EFTUD2: variants seen among roughly 807,000 people sequenced by gnomAD.
The protein encoded by EFTUD2 is 116 kDa U5 small nuclear ribonucleoprotein component.
EFTUD2 carries 9 observed loss-of-function variants against 114.3 expected under a neutral mutation model. That is an observed-to-expected ratio of 0.08 (90% CI 0.05 to 0.14). The LOEUF (loss-of-function observed/expected upper bound fraction) is 0.14. EFTUD2 is among the 10% of genes least tolerant of loss of function. The pLI, the probability that EFTUD2 is intolerant of heterozygous loss-of-function variation, is 1.00. For synonymous variants in EFTUD2, 449 were observed against 462.3 expected, an observed-to-expected ratio of 0.97 and a Z score of 0.37; for missense variants, 765 against 1,241.2, an observed-to-expected ratio of 0.62 and a Z score of 5.76.
chr17:44,894,330 A>G, intron 2 of EFTUD2, 87 bp downstream of exon 2: 1 of 1,131,778 alleles, frequency 8.8e-7, no homozygotes, highest in Non-Finnish European at 1.3e-6. Context: ...AGATTGCGCC[A>G]CTGCACTCCA....
chr17:44,888,627 A>G (rs976023459), intron 2 of EFTUD2, among the ~76,000 whole-genome samples: 2 of 152,244 alleles, frequency 1.3e-5, no homozygotes, highest in Non-Finnish European at 2.9e-5. Context: ...AATTCTGGAT[A>G]CATTACAAAG....
chr17:44,896,323 C>T (rs1028395640), intron 1 of EFTUD2, among the ~76,000 whole-genome samples: 4 of 152,184 alleles, frequency 2.6e-5, no homozygotes, highest in Admixed American at 2.6e-4. Context: ...GAGCTTTTTG[C>T]ACCTTTATCA....
chr17:44,897,369 AAAT>A (rs1300463619), intron 1 of EFTUD2, among the ~76,000 whole-genome samples: 3 of 152,150 alleles, frequency 2.0e-5, no homozygotes, highest in African/African-American at 7.2e-5. Flanking sequence ...TTTAATTTTA[AAAT>A]AATACCAAAA....
intron 15 of EFTUD2, 85 bp from the exon 16 acceptor site, chr17:44,862,991 ACATG>A: frequency 7.6e-6 from 9 of 1,185,698 alleles, no homozygotes; most frequent in Non-Finnish European, 1.1e-5. Flanking sequence ...GACAGCAAGG[ACATG>A]AGCTCTATGA....
chr17:44,859,654 C>G (rs1024985931), intron 18 of EFTUD2: 8 of 595,480 alleles, frequency 1.3e-5, no homozygotes, highest in Non-Finnish European at 2.4e-5. Context: ...CACACACACA[C>G]ACACACAACC....
chr17:44,872,670 C>T, intron 10 of EFTUD2, 100 bp from the exon 11 acceptor site: 1 of 1,425,650 alleles, frequency 7.0e-7, no homozygotes, highest in South Asian at 1.4e-5. Flanking sequence ...CACTCTCCAG[C>T]CCTCGGAAGG....
intron 9 of EFTUD2, among the ~76,000 whole-genome samples, chr17:44,876,614 A>C (rs963016739): frequency 5.3e-5 from 8 of 151,974 alleles, no homozygotes; most frequent in African/African-American, 1.9e-4. Flanking sequence ...GCACTTTGGG[A>C]GGCTGAGGTG....
intron 18 of EFTUD2, chr17:44,859,697 A>C: frequency 3.0e-6 from 2 of 673,520 alleles, no homozygotes; most frequent in Non-Finnish European, 2.5e-6. Context: ...GCCCCCTCCT[A>C]CACAGGTCTT....
intron 18 of EFTUD2, 139 bp downstream of exon 18, chr17:44,859,766 C>T: frequency 7.3e-7 from 1 of 1,377,724 alleles, no homozygotes; most frequent in Non-Finnish European, 1.0e-6. Context: ...ACATGACAGC[C>T]ATAGGCTGGG....
At chr17:44,886,880 G>T (rs1009223075) in intron 2 of EFTUD2, 130 bp from the exon 3 acceptor site, 5 of 1,441,560 alleles carry the variant, frequency 3.5e-6, no homozygotes, top group Non-Finnish European at 4.6e-6. Context: ...CTATGCCAGT[G>T]GGGGAGGTTC....
intron 1 of EFTUD2, among the ~76,000 whole-genome samples, chr17:44,895,600 G>A (rs2051369892): frequency 6.6e-6 from 1 of 151,778 alleles, no homozygotes. Context: ...GAATAGTTGA[G>A]ACTGAAACCA....
At chr17:44,856,765 AAAAAAAAC>A (rs1308971200) in intron 20 of EFTUD2, among the ~76,000 whole-genome samples, 5 of 150,916 alleles carry the variant, frequency 3.3e-5, no homozygotes, top group Admixed American at 1.3e-4. Flanking sequence ...TGTCAAAAAA[AAAAAAAAC>A]AAAAAAACAA....
At chr17:44,859,308 A>T (rs1436330822) in intron 18 of EFTUD2, 127 bp from the exon 19 acceptor site, 2 of 703,520 alleles carry the variant, frequency 2.8e-6, no homozygotes, top group Admixed American at 4.1e-5. Context: ...CATCTGTTCC[A>T]GCCTCTTCAA....
At chr17:44,887,159 T>C (rs751399312) in intron 2 of EFTUD2, among the ~76,000 whole-genome samples, 3 of 152,220 alleles carry the variant, frequency 2.0e-5, no homozygotes, top group Admixed American at 6.5e-5. Flanking sequence ...AAAATAACTT[T>C]GTGATAGATA....
At chr17:44,875,098 G>A (rs1019769508) in intron 10 of EFTUD2, among the ~76,000 whole-genome samples, 1 of 152,108 alleles carries the variant, frequency 6.6e-6, no homozygotes, top group African/African-American at 2.4e-5. Flanking sequence ...GGGTGCAGCG[G>A]CTCAAATCTG....
chr17:44,852,887 T>C (rs1365799123), intron 25 of EFTUD2, among the ~76,000 whole-genome samples: 3 of 18,008 alleles, frequency 1.7e-4, no homozygotes. Context: ...GAAATGTCAA[T>C]TTTTTTTTTT....
chr17:44,867,938 G>T (rs1260534638), intron 12 of EFTUD2, 41 bp from the exon 13 acceptor site: 1 of 1,516,134 alleles, frequency 6.6e-7, no homozygotes, highest in Non-Finnish European at 8.9e-7. Context: ...AGGGGAAAAG[G>T]CACTATCACT....
chr17:44,872,787 AC>A, intron 10 of EFTUD2: 1 of 365,106 alleles, frequency 2.7e-6, no homozygotes, highest in Non-Finnish European at 4.8e-6. Flanking sequence ...AGAGCTGGGA[AC>A]ATTCTGCACA....
rs766590111 is a variant in EFTUD2 at position 44,854,686 on chromosome 17, G to C, written c.2133-4C>G. 6.2e-7 allele frequency: 1 copy of C among 1,612,200 alleles called. No homozygotes were observed. The highest frequency in any genetic ancestry group is 8.5e-7 in the Non-Finnish European group (1 of 1,178,866). ...GAAGAACTCTCCCAGCTTCTTCCTG[G>C]GGAAGGGAGGAGACAATGGAGCTGT... On this transcript the variant is annotated splice_region_variant and splice_polypyrimidine_tract_variant and intron_variant, in intron 21 of 27. Coordinates refer to ENST00000426333, the MANE Select transcript of EFTUD2 (RefSeq NM_004247.4). This position sits in a 1 kb window ranked among gnomAD's most constrained non-coding sequence, Gnocchi z 4.3.
Sources: allele counts gnomAD v4.1 joint callset (sites outside exome capture counted in the v4.1 genomes callset), GRCh38; gene constraint gnomAD v4.1.1; non-coding constraint Gnocchi (gnomAD v3.1); transcripts MANE v1.5; gene names NCBI Gene and HGNC (gene_info 2026-07-23, HGNC 2026-07-21).